The following ZNF407 variants were observed in gnomAD, a reference collection of about 807,000 sequenced individuals.
The protein encoded by ZNF407 is zinc finger protein 407.
A neutral mutation model predicts 131.2 loss-of-function variants in ZNF407; 17 were observed. The observed-to-expected ratio is 0.13, with a 90% confidence interval of 0.09 to 0.19. The LOEUF (loss-of-function observed/expected upper bound fraction) is 0.19. Ranked by LOEUF, ZNF407 falls within the 10% of genes least tolerant of loss-of-function variation. The pLI is 1.00. For missense variants in ZNF407, 2,681 were observed against 2,830.6 expected (o/e 0.95, Z 1.20); for synonymous variants, 1,156 against 1,062.0 (o/e 1.09, Z -1.72).
rs1264106826 is a variant in ZNF407 at position 74,634,696 on chromosome 18, T to C, written c.3677T>C (p.Leu1226Pro). The C allele has an allele frequency of 1.2e-6, 2 of 1,614,034 alleles. No individual in the cohort carries two copies. The highest frequency in any genetic ancestry group is 2.2e-5 in the East Asian group (1 of 44,884). The change falls in exon 2 of 9, where the codon CTG (leucine) becomes CCG (proline). Residue 1226 changes from leucine (L) to proline (P), a missense_variant. Physicochemically the swap from Leu to Pro is moderately conservative, Grantham distance 98. Around this residue, in one of 6 missense-constraint regions of ZNF407, gnomAD observed 1,789 missense variants for 1,748.7 expected, o/e 1.02. Transcript: ENST00000299687. The part of the protein sequence containing the change: ...NHEISNDAGE[L>P]RVHCEGEGGN... The stretch of plus-strand genomic sequence containing the variant: ...GAGATATCGAATGATGCAGGTGAGC[T>C]GCGTGTCCATTGTGAGGGTGAAGGA...
chr18:74,713,358 C>CTTTTTATTTT (rs1967812766), intron 3 of ZNF407, among the ~76,000 whole-genome samples: 1 of 84,480 alleles, frequency 1.2e-5, no homozygotes, highest in Non-Finnish European at 2.5e-5. Context: ...ATTTTAGCAT[C>CTTTTTATTTT]TTTTTTTTTT....
At chr18:74,834,818 G>A (rs1040667986) in intron 4 of ZNF407, among the ~76,000 whole-genome samples, 7 of 152,182 alleles carry the variant, frequency 4.6e-5, no homozygotes, top group African/African-American at 1.4e-4. Context: ...CTAACCACAG[G>A]CTGCCTTTAC....
At chr18:74,791,161 C>A (rs949563911) in intron 4 of ZNF407, among the ~76,000 whole-genome samples, 1 of 152,158 alleles carries the variant, frequency 6.6e-6, no homozygotes, top group African/African-American at 2.4e-5. Flanking sequence ...TACAAGATGT[C>A]TGACTGTCAT....
chr18:74,872,444 A>G (rs1446389781), intron 4 of ZNF407, among the ~76,000 whole-genome samples: 3 of 152,048 alleles, frequency 2.0e-5, no homozygotes, highest in Non-Finnish European at 4.4e-5. Context: ...AACCTGACGG[A>G]TATTTAAGAT....
intron 8 of ZNF407, among the ~76,000 whole-genome samples, chr18:74,956,305 G>A (rs1009305360): frequency 2.0e-5 from 3 of 151,934 alleles, no homozygotes; most frequent in Non-Finnish European, 2.9e-5. Flanking sequence ...TGGCCTCGGT[G>A]TGGCCCACGT....
At chr18:74,929,125 A>T (rs562979151) in intron 8 of ZNF407, among the ~76,000 whole-genome samples, 1 of 152,324 alleles carries the variant, frequency 6.6e-6, no homozygotes, top group African/African-American at 2.4e-5. Flanking sequence ...CTGTCACTAC[A>T]GGACCTTAAA....
intron 8 of ZNF407, among the ~76,000 whole-genome samples, chr18:75,018,195 T>C (rs17055213): frequency 0.75 from 114,175 of 151,806 alleles, 43,935 homozygotes; most frequent in Non-Finnish European, 0.83. Flanking sequence ...GAACTTATAC[T>C]TGTCTTTAAA....
rs530377914 is a variant in ZNF407, at chr18:74,730,179, T to C, written c.4803-51249T>C. On this transcript the variant is annotated intron_variant, in intron 3 of 8. Transcript: ENST00000299687. ...GAAGGAAATTGTGCATGGAAATTGG[T>C]TTGGAATTTTCAGTGTCTGGGAAGC... Among the ~76,000 whole-genome samples the C allele has an allele frequency of 2.6e-5, 4 of 152,300 alleles. 1 individual carries two copies. Among genetic ancestry groups the C allele is most frequent in the African/African-American group, 9.6e-5 (4 of 41,560 alleles).
intron 4 of ZNF407, among the ~76,000 whole-genome samples, chr18:74,839,885 C>CA (rs1333964754): frequency 1.3e-5 from 2 of 152,074 alleles, no homozygotes; most frequent in Non-Finnish European, 2.9e-5. Flanking sequence ...CAGGAAGAGT[C>CA]AAAAAACAGA....
intron 8 of ZNF407, among the ~76,000 whole-genome samples, chr18:74,942,810 A>T (rs987269229): frequency 6.6e-6 from 1 of 152,196 alleles, no homozygotes; most frequent in African/African-American, 2.4e-5. Flanking sequence ...TGTGTTTCTC[A>T]TCTCCAGCAT....
chr18:74,637,066 T>G (rs1984497540), intron 2 of ZNF407, among the ~76,000 whole-genome samples: 1 of 152,244 alleles, frequency 6.6e-6, no homozygotes, highest in Non-Finnish European at 1.5e-5. Context: ...ACATGTTGCT[T>G]ATAATTGATG....
rs143065388 is a variant in ZNF407 at position 74,844,216 on chromosome 18, C to T, written c.4878-32981C>T. On this transcript the variant is annotated intron_variant, in intron 4 of 8. Transcript: ENST00000299687. Reference sequence around the variant, plus strand: ...GTGCTTTTCCTTCCCCCATGGCTTGCTTCTCCTCCCCCATGGCGTGAGCTT... The same window carrying T: ...GTGCTTTTCCTTCCCCCATGGCTTGTTTCTCCTCCCCCATGGCGTGAGCTT... Among the ~76,000 whole-genome samples the T allele has an allele frequency of 3.8e-3, 586 of 152,234 alleles. 2 individuals are homozygous for T. The highest frequency in any genetic ancestry group is 0.013 in the African/African-American group (558 of 41,550).
intron 3 of ZNF407, among the ~76,000 whole-genome samples, chr18:74,677,140 G>GA (rs1986426593): frequency 6.6e-6 from 1 of 152,036 alleles, no homozygotes; most frequent in Non-Finnish European, 1.5e-5. Context: ...ACCCAGGGTG[G>GA]AGCACAGTGG....
intron 8 of ZNF407, among the ~76,000 whole-genome samples, chr18:75,004,429 G>C (rs777612010): frequency 2.0e-5 from 3 of 152,206 alleles, no homozygotes; most frequent in Non-Finnish European, 4.4e-5. Flanking sequence ...TGTTGCGGGG[G>C]AGACAAGCCA....
intron 4 of ZNF407, among the ~76,000 whole-genome samples, chr18:74,795,295 T>G (rs1221401337): frequency 6.6e-6 from 1 of 152,224 alleles, no homozygotes; most frequent in Non-Finnish European, 1.5e-5. Flanking sequence ...CCAAATTAAT[T>G]TAGCCATTTG....
At chr18:74,598,839 C>T (rs1176045985) in intron 1 of ZNF407, among the ~76,000 whole-genome samples, 2 of 152,198 alleles carry the variant, frequency 1.3e-5, no homozygotes, top group African/African-American at 4.8e-5. Context: ...GTGCAGTGGC[C>T]GCTGACCTCT....
At chr18:74,721,132 G>A (rs1968026610) in intron 3 of ZNF407, among the ~76,000 whole-genome samples, 2 of 152,012 alleles carry the variant, frequency 1.3e-5, no homozygotes, top group African/African-American at 2.4e-5. Context: ...AACAGGAGAT[G>A]TCTTTCCATT....
chr18:74,861,134 C>G (rs1040719192), intron 4 of ZNF407, among the ~76,000 whole-genome samples: 1 of 152,042 alleles, frequency 6.6e-6, no homozygotes, highest in African/African-American at 2.4e-5. Flanking sequence ...GTTAATCAGC[C>G]TAGTGTGCAA....
intron 3 of ZNF407, among the ~76,000 whole-genome samples, chr18:74,730,160 A>G (rs1013702802): frequency 2.0e-5 from 3 of 152,282 alleles, no homozygotes; most frequent in South Asian, 4.1e-4. Context: ...TGTGGAAGGA[A>G]ATTGTGCATG....
Sources: allele counts gnomAD v4.1 joint callset (sites outside exome capture counted in the v4.1 genomes callset), GRCh38; gene constraint gnomAD v4.1.1; regional missense constraint gnomAD v4.1.1; transcripts MANE v1.5; gene names NCBI Gene and HGNC (gene_info 2026-07-23, HGNC 2026-07-21).